Variants in WBP1L observed in about 807,000 individuals in gnomAD.
WBP1L encodes WW domain binding protein 1-like.
A neutral mutation model predicts 33.7 loss-of-function variants in WBP1L; 17 were observed. That is an observed-to-expected ratio of 0.50 (90% CI 0.34 to 0.76). WBP1L has a LOEUF of 0.76. WBP1L is among the 30% of genes least tolerant of loss of function. The probability of loss-of-function intolerance (pLI) is 0.01; values close to 1 mark genes in which losing one functional copy is unlikely to be tolerated. For missense variants in WBP1L, 389 were observed against 469.4 expected, an observed-to-expected ratio of 0.83 and a Z score of 1.58; for synonymous variants, 173 against 190.8, an observed-to-expected ratio of 0.91 and a Z score of 0.77.
intron 1 of WBP1L, chr10:102,776,424 G>A (rs770590753): frequency 1.9e-6 from 3 of 1,614,120 alleles, no homozygotes; most frequent in Admixed American, 1.7e-5. Flanking sequence ...ACAGGTAATT[G>A]TTTCTGCACG....
At chr10:102,745,030 C>A (rs529031154) in intron 1 of WBP1L, among the ~76,000 whole-genome samples, 7 of 152,286 alleles carry the variant, frequency 4.6e-5, no homozygotes, top group African/African-American at 1.2e-4. Flanking sequence ...GGGGCAATCA[C>A]CCCTCCTTCC....
intron 3 of WBP1L, among the ~76,000 whole-genome samples, chr10:102,810,517 CCTTCCTTCCTT>C (rs1843819946): frequency 8.7e-6 from 1 of 114,690 alleles, no homozygotes; most frequent in Admixed American, 9.0e-5. Flanking sequence ...TTCCTTCCTT[CCTTCCTTCCTT>C]CCATCCATCC....
Position 102,809,760 on chromosome 10 carries a change from A to G in WBP1L, c.194-133A>G, listed in dbSNP as rs1165642898. On this transcript the variant is annotated intron_variant, in intron 2 of 3. Coordinates refer to ENST00000448841, the MANE Select transcript of WBP1L (RefSeq NM_001083913.2). Reference sequence around the variant, plus strand: ...AATTGATCACATGGCTTCAATGTAAATTAACTGGGTGAGGCCCAGCCATGC... The same window carrying G: ...AATTGATCACATGGCTTCAATGTAAGTTAACTGGGTGAGGCCCAGCCATGC... 3.9e-5 allele frequency: 38 copies of G among 984,260 alleles called. No individual in the cohort carries two copies. In the Admixed American group the frequency reaches 9.3e-4, roughly 24 times the overall value. The allele number at this position is 984,260 out of a possible 1,614,324, so 61.0% of individuals were successfully genotyped here.
At chr10:102,794,360 T>A (rs147981855) in intron 1 of WBP1L, among the ~76,000 whole-genome samples, 4,269 of 152,236 alleles carry the variant, frequency 0.028, 99 homozygotes, top group Non-Finnish European at 0.049. Context: ...ACGCCTGTAA[T>A]CCCAGCTACT....
Position 102,797,993 on chromosome 10 carries a change from G to A in WBP1L, c.91G>A (p.Asp31Asn), listed in dbSNP as rs1843597013. The A allele has an allele frequency of 6.2e-7, 1 of 1,613,462 alleles. No homozygotes were observed. Among genetic ancestry groups the A allele is most frequent in the Non-Finnish European group, 8.5e-7 (1 of 1,179,846 alleles). Residue 31 changes from aspartate to asparagine, a missense_variant and splice_region_variant, in exon 2 of 4, where the codon GAT becomes AAT. Asp to Asn is a conservative substitution (Grantham distance 23). Coordinates refer to ENST00000448841, the MANE Select transcript of WBP1L (RefSeq NM_001083913.2). ...CTAACATGCTTTTTTAATTTTTTAGGATAAGGAAGCCTGTGTGGGTACCAA... is the reference window on the plus strand; with the variant it reads ...CTAACATGCTTTTTTAATTTTTTAGAATAAGGAAGCCTGTGTGGGTACCAA... The part of the protein sequence containing the change: ...PLSARAEPPQ[D>N]KEACVGTNNQ...
At chr10:102,759,290 A>G (rs762814772) in intron 1 of WBP1L, among the ~76,000 whole-genome samples, 2 of 152,190 alleles carry the variant, frequency 1.3e-5, no homozygotes, top group Middle Eastern at 3.2e-3. Flanking sequence ...CACTTCTCAC[A>G]ATGTCCCTTC....
intron 1 of WBP1L, among the ~76,000 whole-genome samples, chr10:102,770,987 C>T (rs1289534747): frequency 6.6e-6 from 1 of 152,206 alleles, no homozygotes; most frequent in Non-Finnish European, 1.5e-5. Flanking sequence ...GGGCAAGTTA[C>T]ATAAACCCCA....
intron 1 of WBP1L, among the ~76,000 whole-genome samples, chr10:102,747,106 G>A (rs376380368): frequency 6.6e-6 from 1 of 152,150 alleles, no homozygotes; most frequent in South Asian, 2.1e-4. Flanking sequence ...GCTCACCCCT[G>A]TAATCCCAGC....
chr10:102,769,362 T>TC (rs1248848692), intron 1 of WBP1L, among the ~76,000 whole-genome samples: 1 of 148,970 alleles, frequency 6.7e-6, no homozygotes, highest in African/African-American at 2.4e-5. Context: ...TTTTCTTTCT[T>TC]TTTTTTTTTT....
At chr10:102,788,397 A>G (rs188116493) in intron 1 of WBP1L, among the ~76,000 whole-genome samples, 17 of 152,194 alleles carry the variant, frequency 1.1e-4, no homozygotes, top group Admixed American at 1.0e-3. Flanking sequence ...GGCATGAGCC[A>G]CCACACCTGG....
At chr10:102,808,583 G>A (rs1284053706) in intron 2 of WBP1L, among the ~76,000 whole-genome samples, 4 of 152,260 alleles carry the variant, frequency 2.6e-5, no homozygotes, top group African/African-American at 9.6e-5. Context: ...GCAGGCCAAA[G>A]GGAGGGAGAG....
At chr10:102,779,385 C>T (rs558282655) in intron 1 of WBP1L, among the ~76,000 whole-genome samples, 1 of 151,776 alleles carries the variant, frequency 6.6e-6, no homozygotes, top group Non-Finnish European at 1.5e-5. Context: ...GCAACCTCTG[C>T]CTTCCGGTTT....
intron 2 of WBP1L, among the ~76,000 whole-genome samples, chr10:102,804,593 G>A (rs1843705743): frequency 6.6e-6 from 1 of 152,058 alleles, no homozygotes; most frequent in Admixed American, 6.6e-5. Context: ...CAAAATCCTA[G>A]TGACCTAAAA....
At position 102,810,132 on chromosome 10, in the gene WBP1L, G is replaced by C. The variant is rs539234576; in HGVS notation, c.355+78G>C. 66 of 1,524,052 alleles carry C rather than the reference G, an allele frequency of 4.3e-5. No individual in the cohort carries two copies. The African/African-American group carries it at 7.0e-4, about 16-fold the overall frequency. 94.4% of individuals were successfully genotyped at this position (1,524,052 alleles called of 1,614,324 possible). A position where few individuals can be genotyped will look rare whatever the true frequency, so the allele number is the denominator to read the frequency against. ...CCAGGGCTCACACTGAATATTGGTG[G>C]CCAGGCTCCTGTAGGCATAGGGGGT... On this transcript the variant is annotated intron_variant, in intron 3 of 3. Transcript: ENST00000448841.
chr10:102,810,451 CCCTT>C (rs1377157578), intron 3 of WBP1L, among the ~76,000 whole-genome samples: 1 of 134,484 alleles, frequency 7.4e-6, no homozygotes, highest in Non-Finnish European at 1.6e-5. Context: ...CTCCCTCCCT[CCCTT>C]CTTTTCCTTC....
Position 102,812,555 on chromosome 10 carries a change from A to G in WBP1L, c.356-40A>G, listed in dbSNP as rs2134070463. On this transcript the variant is annotated intron_variant, in intron 3 of 3. Transcript: ENST00000448841. ...GCTTTGCAGTCTGCCTAGAACAATG[A>G]CCAGTGCAGTAATTTCTCCTTCCTA... 4 of 1,536,574 alleles carry G rather than the reference A, an allele frequency of 2.6e-6. No individual in the cohort carries two copies. In the East Asian group the frequency reaches 9.1e-5, roughly 35 times the overall value.
At chr10:102,775,549 A>G (rs1843248872) in intron 1 of WBP1L, among the ~76,000 whole-genome samples, 1 of 152,176 alleles carries the variant, frequency 6.6e-6, no homozygotes, top group Non-Finnish European at 1.5e-5. Context: ...TTTATAAGAC[A>G]AGTGAGGAAA....
At chr10:102,753,725 A>G (rs1432812320) in intron 1 of WBP1L, among the ~76,000 whole-genome samples, 2 of 152,156 alleles carry the variant, frequency 1.3e-5, no homozygotes, top group Non-Finnish European at 2.9e-5. Flanking sequence ...GTTTTGATTC[A>G]AGATCTCAGG....
At chr10:102,788,726 A>C (rs904611969) in intron 1 of WBP1L, among the ~76,000 whole-genome samples, 5 of 152,170 alleles carry the variant, frequency 3.3e-5, no homozygotes, top group African/African-American at 9.7e-5. Context: ...CTTTCTAGAA[A>C]GCCATTCCTG....
Sources: gnomAD v4.1 joint callset for allele counts (sites outside exome capture counted in the v4.1 genomes callset) on GRCh38, gnomAD v4.1.1 for gene constraint, MANE v1.5 for transcripts, NCBI Gene and HGNC (gene_info 2026-07-23, HGNC 2026-07-21) for gene names.